CACNA2D3: variants seen among roughly 807,000 people sequenced by gnomAD.
CACNA2D3 encodes calcium voltage-gated channel auxiliary subunit alpha2delta 3.
CACNA2D3 carries 60 observed loss-of-function variants against 160.6 expected under a neutral mutation model. The ratio of observed to expected loss-of-function variants is 0.37; its 90% confidence interval spans 0.30 to 0.46. The LOEUF is 0.46. Ranked by LOEUF, CACNA2D3 falls within the 20% of genes least tolerant of loss-of-function variation. CACNA2D3 has a pLI of 1.00. For missense variants in CACNA2D3, 1,205 were observed against 1,365.0 expected (o/e 0.88, Z 1.85); for synonymous variants, 558 against 492.9 (o/e 1.13, Z -1.75).
chr3:54,351,786 T>G (rs1256343961), intron 3 of CACNA2D3, among the ~76,000 whole-genome samples: 1 of 152,184 alleles, frequency 6.6e-6, no homozygotes, highest in African/African-American at 2.4e-5. Flanking sequence ...CACATCCTAG[T>G]TTTATCATTC....
At chr3:54,376,517 A>G (rs1699014870) in intron 3 of CACNA2D3, among the ~76,000 whole-genome samples, 1 of 152,184 alleles carries the variant, frequency 6.6e-6, no homozygotes, top group Non-Finnish European at 1.5e-5. Flanking sequence ...ACAGCTTGGC[A>G]CATAGGTCAG....
intron 31 of CACNA2D3, among the ~76,000 whole-genome samples, chr3:54,989,597 C>T (rs1702693897): frequency 6.6e-6 from 1 of 152,158 alleles, no homozygotes; most frequent in African/African-American, 2.4e-5. Context: ...GTCAGATTAC[C>T]TCTCCAAACA....
chr3:54,377,639 G>A (rs1273853762), intron 3 of CACNA2D3, among the ~76,000 whole-genome samples: 2 of 152,190 alleles, frequency 1.3e-5, no homozygotes, highest in African/African-American at 2.4e-5. Context: ...AGAAAACCAG[G>A]ACTCAGAGAA....
Position 54,706,916 on chromosome 3 carries a change from C to G in CACNA2D3, c.1168-45683C>G, listed in dbSNP as rs369300192. Among the ~76,000 whole-genome samples the G allele has an allele frequency of 1.2e-4, 19 of 152,306 alleles. No homozygotes were observed. In the South Asian group the frequency reaches 3.5e-3, roughly 28 times the overall value. ...CTACTGTGAGATCCATCACTCTGTT[C>G]CCTACCTCTGTTTCTGGCTTCTCCA... On this transcript the variant is annotated intron_variant, in intron 11 of 37. Coordinates refer to ENST00000474759, the MANE Select transcript of CACNA2D3 (RefSeq NM_018398.3).
intron 13 of CACNA2D3, among the ~76,000 whole-genome samples, chr3:54,814,482 A>G (rs937550212): frequency 6.6e-5 from 10 of 152,198 alleles, no homozygotes; most frequent in African/African-American, 2.4e-4. Flanking sequence ...TGTGTTGGGG[A>G]GCCAGCTCCC....
intron 2 of CACNA2D3, among the ~76,000 whole-genome samples, chr3:54,140,475 G>C (rs1699902837): frequency 6.6e-6 from 1 of 152,152 alleles, no homozygotes; most frequent in Non-Finnish European, 1.5e-5. Context: ...CTCCATTGCT[G>C]CCAGGCATGC....
At chr3:54,306,897 G>A (rs1703614957) in intron 2 of CACNA2D3, among the ~76,000 whole-genome samples, 2 of 152,190 alleles carry the variant, frequency 1.3e-5, no homozygotes, top group South Asian at 4.1e-4. Context: ...TGGACTCAGT[G>A]GGAGATTTCA....
At chr3:55,037,366 G>C (rs1297437275) in intron 35 of CACNA2D3, among the ~76,000 whole-genome samples, 2 of 152,106 alleles carry the variant, frequency 1.3e-5, no homozygotes. Flanking sequence ...GAAAATGAGT[G>C]GCAGTTAAAA....
chr3:54,137,124 TC>T (rs1699828148), intron 2 of CACNA2D3, among the ~76,000 whole-genome samples: 1 of 152,188 alleles, frequency 6.6e-6, no homozygotes, highest in South Asian at 2.1e-4. Flanking sequence ...GAGCTGCTCT[TC>T]CCCTGAGCCA....
At chr3:54,204,601 C>A (rs898165270) in intron 2 of CACNA2D3, among the ~76,000 whole-genome samples, 1 of 151,872 alleles carries the variant, frequency 6.6e-6, no homozygotes, top group Non-Finnish European at 1.5e-5. Context: ...TCAAGACCAG[C>A]CTGGCTAACA....
chr3:54,806,079 AACCCACAGCCAAT>A (rs1703113743), intron 13 of CACNA2D3, among the ~76,000 whole-genome samples: 1 of 152,204 alleles, frequency 6.6e-6, no homozygotes, highest in Non-Finnish European at 1.5e-5. Context: ...ATCTATGACA[AACCCACAGCCAAT>A]ATCATACTGA....
chr3:54,534,477 T>C (rs1302628997), intron 5 of CACNA2D3, among the ~76,000 whole-genome samples: 1 of 152,164 alleles, frequency 6.6e-6, no homozygotes, highest in Non-Finnish European at 1.5e-5. Context: ...CATCAGCACA[T>C]GGTGGTCTTC....
At chr3:54,422,684 G>A (rs1268617178) in intron 4 of CACNA2D3, among the ~76,000 whole-genome samples, 1 of 152,152 alleles carries the variant, frequency 6.6e-6, no homozygotes, top group Admixed American at 6.5e-5. Flanking sequence ...TGATGATGAT[G>A]ATATCAAATG....
chr3:54,123,303 G>A (rs999164966), intron 1 of CACNA2D3, among the ~76,000 whole-genome samples: 1 of 132,754 alleles, frequency 7.5e-6, no homozygotes, highest in African/African-American at 2.6e-5. Flanking sequence ...TCTTAACTCC[G>A]CGACCCCCCT....
intron 2 of CACNA2D3, among the ~76,000 whole-genome samples, chr3:54,316,974 A>G (rs1454789408): frequency 2.0e-5 from 3 of 152,238 alleles, no homozygotes; most frequent in Non-Finnish European, 4.4e-5. Context: ...TACCTTAATT[A>G]CAGAATTTAG....
intron 13 of CACNA2D3, among the ~76,000 whole-genome samples, chr3:54,802,119 C>T (rs140756323): frequency 0.018 from 2,693 of 152,282 alleles, 33 homozygotes; most frequent in Middle Eastern, 0.034. Flanking sequence ...ACTCTTTCCT[C>T]CTCCTCCTCT....
rs771698876 is a variant in CACNA2D3 at position 54,891,396 on chromosome 3, G to A, written c.2192G>A (p.Arg731His). Residue 731 changes from arginine (R) to histidine (H), a missense_variant, in exon 25 of 38, where the codon CGC becomes CAC. Physicochemically the swap from Arg to His is conservative, Grantham distance 29. This residue lies in a region of CACNA2D3 where 911 missense variants were observed against 1,002.2 expected (regional missense o/e 0.91). Transcript: ENST00000474759. ...KGVEVAFLGT[R>H]TGLSRINLFV... ...GTGGAGGTTGCCTTCCTCGGCACTC[G>A]CACGGGCCTCTCCAGAATCAACCTG... The A allele has an allele frequency of 1.7e-5, 28 of 1,613,708 alleles. No homozygotes were observed. Among genetic ancestry groups the A allele is most frequent in the Middle Eastern group, 3.3e-4 (2 of 6,078 alleles).
At chr3:54,739,817 G>GTA (rs1402666953) in intron 11 of CACNA2D3, among the ~76,000 whole-genome samples, 21 of 151,250 alleles carry the variant, frequency 1.4e-4, no homozygotes, top group East Asian at 1.4e-3. Flanking sequence ...ATGTGTGTGT[G>GTA]TATATATATA....
At chr3:54,662,229 T>C (rs1358131734) in intron 11 of CACNA2D3, among the ~76,000 whole-genome samples, 1 of 152,100 alleles carries the variant, frequency 6.6e-6, no homozygotes, top group African/African-American at 2.4e-5. Flanking sequence ...TGGGAGCCTC[T>C]ATGCTACTGA....
Sources: gnomAD v4.1 joint callset for allele counts (sites outside exome capture counted in the v4.1 genomes callset) on GRCh38, gnomAD v4.1.1 for gene constraint, gnomAD v4.1.1 regional missense constraint, MANE v1.5 for transcripts, NCBI Gene and HGNC (gene_info 2026-07-23, HGNC 2026-07-21) for gene names.